The following IQCM variants were observed in gnomAD, a reference collection of about 807,000 sequenced individuals.
IQCM encodes IQ domain-containing protein M.
In IQCM, 45 loss-of-function variants were observed where a neutral mutation model predicts 57.6. That is an observed-to-expected ratio of 0.78 (90% CI 0.62 to 1.00). IQCM has a LOEUF of 1.00. Ranked by LOEUF, IQCM falls within the 50% of genes least tolerant of loss-of-function variation. IQCM has a pLI of 0.00. For synonymous variants in IQCM, 148 were observed against 158.9 expected (o/e 0.93, Z 0.51); for missense variants, 468 against 511.6 (o/e 0.91, Z 0.82).
intron 12 of IQCM, among the ~76,000 whole-genome samples, chr4:149,442,716 C>T (rs1317219939): frequency 6.6e-6 from 1 of 151,802 alleles, no homozygotes; most frequent in Non-Finnish European, 1.5e-5. Context: ...TTTTCCTTAC[C>T]ATGCTCCTCA....
rs1372431877 is a variant in IQCM, at chr4:149,455,322, GC to G, written c.1229-21766del. Reference sequence around the variant, plus strand: ...TACCCCAAACTACCTGATCCCAAAGGCAGAATGTTGTGGGGGAAGCCCAACT... The same window carrying G: ...TACCCCAAACTACCTGATCCCAAAGGAGAATGTTGTGGGGGAAGCCCAACT... On this transcript the variant is annotated intron_variant, in intron 12 of 13. Coordinates refer to ENST00000636793, the MANE Select transcript of IQCM (RefSeq NM_001363507.2). 3.3e-5 allele frequency among the ~76,000 whole-genome samples: 5 copies of G among 152,006 alleles called. No homozygotes were observed. In the East Asian group the frequency reaches 9.7e-4, roughly 29 times the overall value.
chr4:149,687,355 C>T (rs1448031671), intron 5 of IQCM, among the ~76,000 whole-genome samples: 1 of 151,132 alleles, frequency 6.6e-6, no homozygotes, highest in Non-Finnish European at 1.5e-5. Flanking sequence ...TTGGGTTCTG[C>T]ATCTGCAGAT....
chr4:149,400,928 G>A (rs1732576870), intron 13 of IQCM, among the ~76,000 whole-genome samples: 1 of 151,800 alleles, frequency 6.6e-6, no homozygotes. Flanking sequence ...AGAGTGCCCT[G>A]TCATATGCTA....
At chr4:149,788,307 C>T (rs1772259450) in intron 2 of IQCM, among the ~76,000 whole-genome samples, 1 of 152,166 alleles carries the variant, frequency 6.6e-6, no homozygotes, top group Non-Finnish European at 1.5e-5. Flanking sequence ...GGACTCCAGC[C>T]TGGGCGACAG....
At chr4:149,502,151 T>TATACACAC (rs150638237) in intron 12 of IQCM, among the ~76,000 whole-genome samples, 2 of 149,456 alleles carry the variant, frequency 1.3e-5, no homozygotes, top group African/African-American at 2.5e-5. Flanking sequence ...TATATATATA[T>TATACACAC]ACACACACAC....
At chr4:149,384,594 T>G (rs1578873458) in intron 13 of IQCM, among the ~76,000 whole-genome samples, 1 of 152,264 alleles carries the variant, frequency 6.6e-6, no homozygotes, top group South Asian at 2.1e-4. Context: ...TAGTCACTTT[T>G]CCACAATTTA....
intron 7 of IQCM, among the ~76,000 whole-genome samples, chr4:149,651,961 A>G (rs1759223105): frequency 6.6e-6 from 1 of 152,236 alleles, no homozygotes; most frequent in Non-Finnish European, 1.5e-5. Context: ...GTATATACCC[A>G]AAGGATGATA....
At chr4:149,581,989 T>C (rs1475723479) in intron 9 of IQCM, among the ~76,000 whole-genome samples, 1 of 151,540 alleles carries the variant, frequency 6.6e-6, no homozygotes, top group Non-Finnish European at 1.5e-5. Context: ...GGGAATTGTT[T>C]GTTGCTTTTG....
At chr4:149,455,698 T>C (rs1737621349) in intron 12 of IQCM, among the ~76,000 whole-genome samples, 1 of 152,046 alleles carries the variant, frequency 6.6e-6, no homozygotes, top group African/African-American at 2.4e-5. Flanking sequence ...AGGCATGGTG[T>C]CTCACCCCTG....
At chr4:149,527,689 G>A (rs1216617821) in intron 12 of IQCM, among the ~76,000 whole-genome samples, 1 of 152,190 alleles carries the variant, frequency 6.6e-6, no homozygotes, top group Non-Finnish European at 1.5e-5. Flanking sequence ...GGTTCCAAAA[G>A]AGAAACTTGC....
chr4:149,586,924 G>A (rs1253482386), intron 9 of IQCM, among the ~76,000 whole-genome samples: 2 of 151,646 alleles, frequency 1.3e-5, no homozygotes, highest in South Asian at 2.1e-4. Flanking sequence ...TGAAGCAATT[G>A]AAAACTATGC....
At chr4:149,400,417 G>T (rs907458713) in intron 13 of IQCM, among the ~76,000 whole-genome samples, 11 of 151,960 alleles carry the variant, frequency 7.2e-5, no homozygotes, top group Non-Finnish European at 1.5e-4. Flanking sequence ...ATTCTAGATT[G>T]TCTACATGCA....
At chr4:149,553,044 T>C in intron 11 of IQCM, 99 bp downstream of exon 11, 5 of 878,676 alleles carry the variant, frequency 5.7e-6, no homozygotes, top group Non-Finnish European at 7.5e-6. Flanking sequence ...ATATAACATA[T>C]AATCTACCTT....
At chr4:149,551,102 AC>A (rs1354338042) in intron 11 of IQCM, among the ~76,000 whole-genome samples, 4 of 152,130 alleles carry the variant, frequency 2.6e-5, no homozygotes, top group Admixed American at 2.6e-4. Flanking sequence ...GCTTGACATA[AC>A]CTGTGCTCCC....
chr4:149,744,578 G>A (rs978633726), intron 2 of IQCM, among the ~76,000 whole-genome samples: 1 of 152,030 alleles, frequency 6.6e-6, no homozygotes, highest in Non-Finnish European at 1.5e-5. Flanking sequence ...GTGCTGGCAT[G>A]GTAATGTCCC....
chr4:149,762,457 T>C (rs943810415), intron 2 of IQCM, among the ~76,000 whole-genome samples: 1 of 151,860 alleles, frequency 6.6e-6, no homozygotes, highest in African/African-American at 2.4e-5. Context: ...GTAGGGAAAA[T>C]AGAGGGATAT....
In IQCM at chr4:149,488,370, T is replaced by C. The variant is rs72726109; in HGVS notation, c.1229-54813A>G. Among the ~76,000 whole-genome samples the C allele has an allele frequency of 4.3e-3, 649 of 152,284 alleles. 2 individuals carry two copies. Among genetic ancestry groups the C allele is most frequent in the Non-Finnish European group, 6.8e-3 (462 of 68,010 alleles). ...CTAAAATGAGCCAACTATTTCAAAA[T>C]GATAAAAATCTTATCTGAAAATACT... On this transcript the variant is annotated intron_variant, in intron 12 of 13. Coordinates refer to ENST00000636793, the MANE Select transcript of IQCM (RefSeq NM_001363507.2).
rs569894999 is a variant in IQCM at position 149,565,747 on chromosome 4, A to C, written c.750-1857T>G. Among the ~76,000 whole-genome samples, 4 of 152,256 alleles carry C rather than the reference A, an allele frequency of 2.6e-5. No homozygotes were observed. The South Asian group carries it at 8.3e-4, about 32-fold the overall frequency. ...TATATTTATTTTTGACCTATATCTA[A>C]ACATGTATAACTGAGGCTGCTAGTT... is the stretch of plus-strand genomic sequence containing the variant. On this transcript the variant is annotated intron_variant, in intron 9 of 13. Coordinates refer to ENST00000636793, the MANE Select transcript of IQCM (RefSeq NM_001363507.2).
chr4:149,640,517 G>A (rs1758090468), intron 7 of IQCM, among the ~76,000 whole-genome samples: 1 of 152,120 alleles, frequency 6.6e-6, no homozygotes, highest in Non-Finnish European at 1.5e-5. Context: ...AAAAGGCAAA[G>A]CTATCATCTT....
Sources: allele counts gnomAD v4.1 joint callset (sites outside exome capture counted in the v4.1 genomes callset), GRCh38; gene constraint gnomAD v4.1.1; transcripts MANE v1.5; gene names NCBI Gene and HGNC (gene_info 2026-07-23, HGNC 2026-07-21).